Variants in TMEM117 observed in about 807,000 individuals in gnomAD.
The protein encoded by TMEM117 is transmembrane protein 117.
In TMEM117, 27 loss-of-function variants were observed where a neutral mutation model predicts 52.4. The observed-to-expected ratio is 0.51, with a 90% CI of 0.38 to 0.71. The LOEUF (loss-of-function observed/expected upper bound fraction) is 0.71, where lower values mean the gene tolerates loss of function less well. TMEM117 is among the 30% of genes least tolerant of loss of function. The pLI is 0.00. For missense variants in TMEM117, 556 were observed against 630.5 expected, an observed-to-expected ratio of 0.88 and a Z score of 1.26; for synonymous variants, 215 against 206.3, an observed-to-expected ratio of 1.04 and a Z score of -0.36.
chr12:44,009,279 C>A, intron 3 of TMEM117: 1 of 272,738 alleles, frequency 3.7e-6, no homozygotes. Flanking sequence ...ATGCAGAAAC[C>A]GATACAGGAT....
At chr12:43,890,894 G>A (rs1944091361) in intron 2 of TMEM117, among the ~76,000 whole-genome samples, 1 of 151,964 alleles carries the variant, frequency 6.6e-6, no homozygotes, top group Non-Finnish European at 1.5e-5. Flanking sequence ...TCACTTAGAT[G>A]TCATGTTATA....
intron 2 of TMEM117, among the ~76,000 whole-genome samples, chr12:43,889,897 A>G (rs1944071169): frequency 6.6e-6 from 1 of 152,182 alleles, no homozygotes; most frequent in South Asian, 2.1e-4. Flanking sequence ...GAGCAGGATA[A>G]GACAGAGGCA....
intron 2 of TMEM117, among the ~76,000 whole-genome samples, chr12:43,874,171 G>A (rs2137433857): frequency 6.6e-6 from 1 of 152,196 alleles, no homozygotes; most frequent in Non-Finnish European, 1.5e-5. Flanking sequence ...AGGAAGGAAT[G>A]AAAATAGTGA....
At chr12:44,395,030 C>T in the TMEM117 span, among the ~76,000 whole-genome samples, 1 of 152,150 alleles carries the variant, frequency 6.6e-6, no homozygotes, top group Non-Finnish European at 1.5e-5. Context: ...TTCAACCAAA[C>T]CACACTAGAA....
At chr12:43,961,054 C>T (rs1474048309) in intron 3 of TMEM117, among the ~76,000 whole-genome samples, 2 of 152,078 alleles carry the variant, frequency 1.3e-5, no homozygotes, top group Non-Finnish European at 2.9e-5. Flanking sequence ...TCTGAGTAAA[C>T]TATACTTTCT....
intron 2 of TMEM117, among the ~76,000 whole-genome samples, chr12:43,853,204 C>T (rs566576361): frequency 1.3e-5 from 2 of 152,346 alleles, no homozygotes; most frequent in Admixed American, 6.5e-5. Context: ...ATGCCTGGCA[C>T]AGTAGCATTC....
intron 6 of TMEM117, among the ~76,000 whole-genome samples, chr12:44,336,569 C>T (rs909806703): frequency 3.3e-5 from 5 of 151,722 alleles, no homozygotes; most frequent in African/African-American, 9.7e-5. Context: ...TTTAGTGATC[C>T]GTGGTGATTA....
chr12:44,195,757 A>G (rs926744406), intron 4 of TMEM117, among the ~76,000 whole-genome samples: 4 of 152,132 alleles, frequency 2.6e-5, no homozygotes, highest in Non-Finnish European at 5.9e-5. Context: ...TTCAAAATTT[A>G]TAAAGAATAA....
chr12:43,858,363 T>G (rs1943434262), intron 2 of TMEM117, among the ~76,000 whole-genome samples: 1 of 152,228 alleles, frequency 6.6e-6, no homozygotes, highest in African/African-American at 2.4e-5. Flanking sequence ...GGCCACTCCC[T>G]ACAGTTTTGC....
Position 43,901,739 on chromosome 12 carries a change from A to G in TMEM117, c.278-42471A>G, listed in dbSNP as rs540774530. Among the ~76,000 whole-genome samples, 6 of 152,350 alleles carry G rather than the reference A, an allele frequency of 3.9e-5. No homozygotes were observed. The South Asian group carries it at 1.0e-3, about 26-fold the overall frequency. Reference sequence around the variant, plus strand: ...CCAACTTTTTAGGATTACGAAGAATAGATGAAGCACCTGAAGGCATTTTTA... The same window carrying G: ...CCAACTTTTTAGGATTACGAAGAATGGATGAAGCACCTGAAGGCATTTTTA... On this transcript the variant is annotated intron_variant, in intron 2 of 7. Transcript: ENST00000266534.
chr12:44,267,622 T>A (rs1235066094), intron 5 of TMEM117, among the ~76,000 whole-genome samples: 1 of 152,220 alleles, frequency 6.6e-6, no homozygotes, highest in Non-Finnish European at 1.5e-5. Context: ...AGTAGATCTC[T>A]AGGACTTACA....
At chr12:44,278,042 G>A (rs1309852462) in intron 5 of TMEM117, among the ~76,000 whole-genome samples, 1 of 152,002 alleles carries the variant, frequency 6.6e-6, no homozygotes, top group Non-Finnish European at 1.5e-5. Flanking sequence ...GATTACAGGC[G>A]TGAGCCACTG....
At chr12:44,148,247 G>A (rs1948673132) in intron 4 of TMEM117, among the ~76,000 whole-genome samples, 1 of 152,180 alleles carries the variant, frequency 6.6e-6, no homozygotes, top group African/African-American at 2.4e-5. Flanking sequence ...ATAAAATTAT[G>A]TGTGATTTTT....
intron 3 of TMEM117, among the ~76,000 whole-genome samples, chr12:43,974,021 CT>C: frequency 6.6e-6 from 1 of 152,268 alleles, no homozygotes; most frequent in African/African-American, 2.4e-5. Context: ...TTACTTGGCT[CT>C]TTCTGCAAAA....
chr12:43,834,778 G>A (rs1199940510), upstream of TMEM117, among the ~76,000 whole-genome samples: 1 of 151,836 alleles, frequency 6.6e-6, no homozygotes, highest in African/African-American at 2.4e-5. Context: ...TATATGAGAG[G>A]CATATTTATA....
intron 3 of TMEM117, among the ~76,000 whole-genome samples, chr12:44,012,588 A>G (rs376867665): frequency 1.3e-5 from 2 of 151,898 alleles, no homozygotes; most frequent in South Asian, 2.1e-4. Flanking sequence ...AGTCATGTCC[A>G]ATCTATTAAT....
chr12:44,120,774 G>C (rs187289999), intron 3 of TMEM117, among the ~76,000 whole-genome samples: 2 of 152,142 alleles, frequency 1.3e-5, no homozygotes, highest in Admixed American at 6.5e-5. Flanking sequence ...TGGTTTCTGG[G>C]TGTTGGAATA....
intron 4 of TMEM117, among the ~76,000 whole-genome samples, chr12:44,145,674 C>A (rs1350176141): frequency 1.3e-5 from 2 of 152,170 alleles, no homozygotes; most frequent in Non-Finnish European, 2.9e-5. Context: ...ACTTCCTGAG[C>A]CCCATAAGTG....
At chr12:44,325,167 A>G (rs1053385405) in intron 6 of TMEM117, among the ~76,000 whole-genome samples, 1 of 152,188 alleles carries the variant, frequency 6.6e-6, no homozygotes, top group East Asian at 1.9e-4. Context: ...GATTCTTTTA[A>G]AATTTGGATT....
Sources: gnomAD v4.1 joint callset for allele counts (sites outside exome capture counted in the v4.1 genomes callset) on GRCh38, gnomAD v4.1.1 for gene constraint, MANE v1.5 for transcripts, NCBI Gene and HGNC (gene_info 2026-07-23, HGNC 2026-07-21) for gene names.